CYRIB: variants seen among roughly 807,000 people sequenced by gnomAD.
The protein encoded by CYRIB is CYFIP related Rac1 interactor B.
Under a neutral mutation model 44.2 loss-of-function variants are expected in CYRIB, and 8 were observed. The observed-to-expected ratio is 0.18, with a 90% confidence interval of 0.11 to 0.33. CYRIB has a LOEUF of 0.33. Among genes scored for constraint, CYRIB ranks in the 10% least tolerant of loss-of-function variants. The probability of loss-of-function intolerance (pLI) is 1.00; values close to 1 mark genes in which losing one functional copy is unlikely to be tolerated. For synonymous variants in CYRIB, 131 were observed against 127.2 expected (o/e 1.03, Z -0.20); for missense variants, 185 against 382.8 (o/e 0.48, Z 4.31).
intron 5 of CYRIB, among the ~76,000 whole-genome samples, chr8:129,856,743 T>C (rs2046398577): frequency 6.6e-6 from 1 of 152,248 alleles, no homozygotes; most frequent in African/African-American, 2.4e-5. Flanking sequence ...ATTTGATTTT[T>C]ACCATCAACT....
chr8:129,998,205 A>C (rs72720341), intron 1 of CYRIB, among the ~76,000 whole-genome samples: 3,394 of 151,884 alleles, frequency 0.022, 63 homozygotes, highest in Non-Finnish European at 0.034. Flanking sequence ...GCAGGACCTC[A>C]GTGTCCACAT....
At chr8:130,006,605 T>TATATATATACACAC (rs374570395) in intron 1 of CYRIB, among the ~76,000 whole-genome samples, 1 of 23,336 alleles carries the variant, frequency 4.3e-5, no homozygotes, top group African/African-American at 5.4e-4. Flanking sequence ...TATATATATA[T>TATATATATACACAC]ACATATATAT....
chr8:129,934,464 T>C (rs1368730640), intron 1 of CYRIB, among the ~76,000 whole-genome samples: 31 of 152,164 alleles, frequency 2.0e-4, no homozygotes, highest in Admixed American at 2.0e-3. Context: ...ATAATATATA[T>C]TATGATACAT....
At chr8:130,013,889 T>C (rs1320890333) in intron 1 of CYRIB, among the ~76,000 whole-genome samples, 1 of 152,224 alleles carries the variant, frequency 6.6e-6, no homozygotes, top group African/African-American at 2.4e-5. Context: ...CTTCTGCCCA[T>C]TCTGTCAAAA....
At chr8:129,920,314 G>C (rs10098794) in intron 1 of CYRIB, among the ~76,000 whole-genome samples, 2,525 of 152,060 alleles carry the variant, frequency 0.017, 62 homozygotes, top group African/African-American at 0.053. Context: ...AATCTAATGG[G>C]TTCAACAGAC....
intron 7 of CYRIB, among the ~76,000 whole-genome samples, chr8:129,853,849 T>C (rs2044668215): frequency 6.6e-6 from 1 of 152,230 alleles, no homozygotes; most frequent in African/African-American, 2.4e-5. Context: ...CATTAATTTC[T>C]TGGAGGAAAA....
chr8:129,854,841 G>A (rs1051438952), intron 6 of CYRIB, among the ~76,000 whole-genome samples: 4 of 152,094 alleles, frequency 2.6e-5, no homozygotes, highest in Non-Finnish European at 2.9e-5. Context: ...GGGTTACTGT[G>A]GCAGAGTATA....
At chr8:129,948,156 G>C (rs1184083269) in intron 2 of CYRIB, among the ~76,000 whole-genome samples, 1 of 152,234 alleles carries the variant, frequency 6.6e-6, no homozygotes, top group Non-Finnish European at 1.5e-5. Flanking sequence ...GTATGACGAA[G>C]CAAGGACGAT....
intron 1 of CYRIB, among the ~76,000 whole-genome samples, chr8:130,010,739 G>GAA (rs2097196352): frequency 6.6e-6 from 1 of 152,090 alleles, no homozygotes; most frequent in South Asian, 2.1e-4. Flanking sequence ...AGCTAACTTG[G>GAA]AAACCTCCAG....
chr8:129,961,956 T>G (rs185814693), intron 2 of CYRIB, among the ~76,000 whole-genome samples: 1 of 152,160 alleles, frequency 6.6e-6, no homozygotes, highest in Non-Finnish European at 1.5e-5. Context: ...TAAATAAAAA[T>G]TTTTTAATTG....
chr8:130,013,745 G>C (rs2097279535), intron 1 of CYRIB, among the ~76,000 whole-genome samples: 1 of 152,196 alleles, frequency 6.6e-6, no homozygotes, highest in Non-Finnish European at 1.5e-5. Context: ...TGATATAAGA[G>C]CTGTCAGGGA....
chr8:129,854,378 T>C, intron 6 of CYRIB, 35 bp from the exon 9 acceptor site: 3 of 1,453,680 alleles, frequency 2.1e-6, no homozygotes, highest in South Asian at 2.4e-5. Flanking sequence ...AAATGTTATG[T>C]ACTAAATGCT....
intron 1 of CYRIB, among the ~76,000 whole-genome samples, chr8:129,981,105 T>C (rs930788151): frequency 6.6e-6 from 1 of 152,032 alleles, no homozygotes; most frequent in African/African-American, 2.4e-5. Context: ...CCCAATACCA[T>C]CTCAGTTAAA....
intron 1 of CYRIB, among the ~76,000 whole-genome samples, chr8:129,931,997 CTTTTT>C (rs1235113746): frequency 7.7e-6 from 1 of 129,422 alleles, no homozygotes. Context: ...TAAGTATCTT[CTTTTT>C]TTTTTTTTTT....
intron 2 of CYRIB, among the ~76,000 whole-genome samples, chr8:129,951,749 T>C (rs73398748): frequency 0.026 from 3,916 of 152,186 alleles, 149 homozygotes; most frequent in African/African-American, 0.089. Flanking sequence ...AAGAAACTAT[T>C]TTATAAATTA....
intron 2 of CYRIB, among the ~76,000 whole-genome samples, chr8:129,949,887 A>C (rs1334480122): frequency 2.0e-5 from 3 of 152,026 alleles, no homozygotes; most frequent in Admixed American, 1.3e-4. Flanking sequence ...AATAATAATA[A>C]TACACTACTC....
At chr8:129,842,063 T>C in exon 12 of CYRIB, 2 of 919,596 alleles carry the variant, frequency 2.2e-6, no homozygotes, top group Non-Finnish European at 3.4e-6. Flanking sequence ...AGATAGTAAT[T>C]GCAATCACTA....
chr8:129,889,061 C>T (rs2063975879), intron 2 of CYRIB, among the ~76,000 whole-genome samples: 1 of 152,130 alleles, frequency 6.6e-6, no homozygotes, highest in African/African-American at 2.4e-5. Context: ...CACTGCACTC[C>T]ATGGGCAACA....
chr8:129,872,770 T>C (rs908136845), intron 3 of CYRIB, among the ~76,000 whole-genome samples: 1 of 152,064 alleles, frequency 6.6e-6, no homozygotes, highest in Non-Finnish European at 1.5e-5. Flanking sequence ...AGTTTAAAAA[T>C]ATTTTAACAA....
Sources: allele counts gnomAD v4.1 joint callset (sites outside exome capture counted in the v4.1 genomes callset), GRCh38; gene constraint gnomAD v4.1.1; transcripts MANE v1.5; gene names NCBI Gene and HGNC (gene_info 2026-07-23, HGNC 2026-07-21).